ECPAS: variants seen among roughly 807,000 people sequenced by gnomAD.
The protein encoded by ECPAS is Ecm29 proteasome adaptor and scaffold, also known as proteasome adapter and scaffold protein ECM29.
ECPAS carries 70 observed loss-of-function variants against 255.1 expected under a neutral mutation model. That is an observed-to-expected ratio of 0.27 (90% CI 0.23 to 0.33). ECPAS has a LOEUF of 0.33. Ranked by LOEUF, ECPAS falls within the 10% of genes least tolerant of loss-of-function variation. The pLI, the probability that ECPAS is intolerant of heterozygous loss-of-function variation, is 1.00. For synonymous variants in ECPAS, 784 were observed against 775.0 expected (o/e 1.01, Z -0.19); for missense variants, 1,817 against 2,206.4 (o/e 0.82, Z 3.54).
intron 29 of ECPAS, among the ~76,000 whole-genome samples, chr9:111,391,094 C>A (rs2098159152): frequency 6.6e-6 from 1 of 152,310 alleles, no homozygotes; most frequent in East Asian, 1.9e-4. Flanking sequence ...CTCCGAAAGG[C>A]CACCTGTGCC....
chr9:111,465,518 C>T (rs755607841), intron 2 of ECPAS, among the ~76,000 whole-genome samples: 46 of 151,604 alleles, frequency 3.0e-4, no homozygotes, highest in Non-Finnish European at 5.6e-4. Context: ...GCAGCCTGGG[C>T]TACAAGAGCA....
Position 111,433,329 on chromosome 9 carries a change from G to C in ECPAS, c.752C>G (p.Pro251Arg). Residue 251 changes from proline (P) to arginine (R), a missense_variant, in exon 8 of 50, where the codon CCT (proline) becomes CGT (arginine). By Grantham distance (103) the Pro-to-Arg change is moderately radical. This residue lies in a region of ECPAS where 573 missense variants were observed against 716.2 expected (regional missense o/e 0.80). Transcript: ENST00000684092. The part of the protein sequence containing the change: ...IVKFIEAEQV[P>R]ELEAVLHLVI... ...CAAGTGGAGAACAGCTTCAAGTTCA[G>C]GCACCTGTTCAGCTTCTATGAATTT... The C allele has an allele frequency of 1.2e-6, 2 of 1,613,964 alleles. No individual in the cohort carries two copies. The highest frequency in any genetic ancestry group is 1.3e-5 in the African/African-American group (1 of 75,062).
At chr9:111,465,963 G>C (rs948260938) in intron 2 of ECPAS, among the ~76,000 whole-genome samples, 1 of 151,940 alleles carries the variant, frequency 6.6e-6, no homozygotes, top group Non-Finnish European at 1.5e-5. Context: ...CAGCTCAGGA[G>C]GTTGAGGCTG....
intron 1 of ECPAS, among the ~76,000 whole-genome samples, chr9:111,477,900 CTT>C (rs34461136): frequency 7.2e-4 from 99 of 138,212 alleles, no homozygotes; most frequent in East Asian, 6.4e-4. Flanking sequence ...TTTTTGGCAA[CTT>C]TTTTTTTTTT....
intron 17 of ECPAS, among the ~76,000 whole-genome samples, chr9:111,416,611 T>G (rs2098203956): frequency 6.6e-6 from 1 of 152,180 alleles, no homozygotes; most frequent in Non-Finnish European, 1.5e-5. Context: ...TCTACTAATA[T>G]GGTCATCTCA....
chr9:111,431,706 T>C (rs984716336), intron 8 of ECPAS, among the ~76,000 whole-genome samples: 5 of 152,150 alleles, frequency 3.3e-5, no homozygotes, highest in African/African-American at 9.7e-5. Flanking sequence ...CCCTTTGACA[T>C]TGGTTCTGCT....
rs969893682 is a variant in ECPAS, at chr9:111,433,097, T to C, written c.848+136A>G. The stretch of plus-strand genomic sequence containing the variant: ...AATTCAACTCTTTAGCAAACTTGAT[T>C]ACAAACTAGGTATATTTAATAATCT... On this transcript the variant is annotated intron_variant, in intron 8 of 49. Coordinates refer to ENST00000684092, the MANE Select transcript of ECPAS (RefSeq NM_001364929.1). The C allele has an allele frequency of 3.6e-6, 3 of 839,714 alleles. No individual in the cohort carries two copies. In the African/African-American group the frequency reaches 5.1e-5, roughly 14 times the overall value. 52.0% of individuals were successfully genotyped at this position (839,714 alleles called of 1,614,324 possible).
At position 111,433,409 on chromosome 9, in the gene ECPAS, G is replaced by T. The variant is rs187300135; in HGVS notation, c.709-37C>A. On this transcript the variant is annotated intron_variant, in intron 7 of 49. Transcript: ENST00000684092. ...TGAAGGGAAGGAGAAAGAACAGTCA[G>T]GGGAGCAAAGGACACCCACTGAAAG... The T allele has an allele frequency of 3.8e-5, 61 of 1,611,306 alleles. No homozygotes were observed. The African/African-American group carries it at 7.1e-4, about 19-fold the overall frequency.
In ECPAS at chr9:111,383,213, G is replaced by T; in HGVS notation, c.3801C>A (p.Leu1267=). ...MMSTVTEVRA[L]SINTLVKISK... ...TCATTTCATCAACGGATGCACACCT[G>T]AGGGCTCGAACTTCCGTCACGGTGC... The change falls in exon 35 of 50, where the codon CTC becomes CTA. Residue 1267 remains leucine (L), a splice_region_variant and synonymous_variant. Coordinates refer to ENST00000684092, the MANE Select transcript of ECPAS (RefSeq NM_001364929.1). 1 of 1,613,774 alleles carries T rather than the reference G, an allele frequency of 6.2e-7. No homozygotes were observed. The highest frequency in any genetic ancestry group is 1.3e-5 in the African/African-American group (1 of 75,020).
intron 3 of ECPAS, among the ~76,000 whole-genome samples, chr9:111,448,832 A>T (rs1476692958): frequency 1.3e-5 from 2 of 152,234 alleles, no homozygotes; most frequent in African/African-American, 2.4e-5. Flanking sequence ...AAATAAGTCA[A>T]AGATAAAATG....
At position 111,408,672 on chromosome 9, in the gene ECPAS, T is replaced by C. The variant is rs1473732116; in HGVS notation, c.2551A>G (p.Met851Val). The C allele has an allele frequency of 3.9e-6, 6 of 1,552,648 alleles. No individual in the cohort carries two copies. In the African/African-American group the frequency reaches 8.3e-5, roughly 21 times the overall value. ...RIPSSKETNK[M>V]KERAIQTLGY... ...AGTGTTTGGATTGCTCGTTCTTTCA[T>C]CTGGAAGAACACCAAATTTTTTTCT... is the stretch of plus-strand genomic sequence containing the variant. Residue 851 changes from methionine to valine, a missense_variant and splice_region_variant, in exon 24 of 50, where the codon ATG (methionine) becomes GTG (valine). Met to Val is a conservative substitution (Grantham distance 21). Around this residue, in one of 4 missense-constraint regions of ECPAS, gnomAD observed 960 missense variants for 1,179.0 expected, o/e 0.81. Transcript: ENST00000684092.
intron 7 of ECPAS, among the ~76,000 whole-genome samples, chr9:111,435,423 A>T (rs1437440830): frequency 1.3e-5 from 2 of 152,214 alleles, no homozygotes; most frequent in Non-Finnish European, 2.9e-5. Context: ...TGACCAATTT[A>T]AGATTGTAAT....
At chr9:111,469,164 G>T (rs1404851334) in intron 2 of ECPAS, among the ~76,000 whole-genome samples, 2 of 152,114 alleles carry the variant, frequency 1.3e-5, no homozygotes, top group Non-Finnish European at 2.9e-5. Context: ...CTTGAACCCA[G>T]GAGGCAGAGG....
intron 1 of ECPAS, among the ~76,000 whole-genome samples, chr9:111,473,366 A>T (rs2098291744): frequency 6.6e-6 from 1 of 152,234 alleles, no homozygotes; most frequent in Admixed American, 6.5e-5. Flanking sequence ...TAATAGTTTT[A>T]TAAGAAGTGT....
chr9:111,395,670 G>C (rs1190839825), intron 25 of ECPAS, among the ~76,000 whole-genome samples: 1 of 152,068 alleles, frequency 6.6e-6, no homozygotes. Flanking sequence ...TAAGTCACTA[G>C]GTAAAAAACC....
At chr9:111,399,390 C>T (rs376477143) in intron 24 of ECPAS, among the ~76,000 whole-genome samples, 12 of 152,296 alleles carry the variant, frequency 7.9e-5, no homozygotes, top group African/African-American at 1.9e-4. Context: ...CACCCCTCCC[C>T]GAGTCCCAGG....
chr9:111,464,982 G>C (rs1358139496), intron 2 of ECPAS, among the ~76,000 whole-genome samples: 3 of 151,806 alleles, frequency 2.0e-5, no homozygotes, highest in Non-Finnish European at 4.4e-5. Flanking sequence ...TCGGGAGTTT[G>C]AGACCAGCCT....
chr9:111,421,409 A>ATGTGTG (rs71372622), intron 15 of ECPAS, among the ~76,000 whole-genome samples: 4,011 of 143,376 alleles, frequency 0.028, 100 homozygotes, highest in East Asian at 0.074. Context: ...TATTACATAT[A>ATGTGTG]TGTGTGTGTG....
intron 3 of ECPAS, among the ~76,000 whole-genome samples, chr9:111,445,272 G>A (rs920307039): frequency 6.6e-6 from 1 of 152,030 alleles, no homozygotes; most frequent in African/African-American, 2.4e-5. Context: ...TGGGATTACA[G>A]GCGTGAGCCA....
Sources: allele counts gnomAD v4.1 joint callset (sites outside exome capture counted in the v4.1 genomes callset), GRCh38; gene constraint gnomAD v4.1.1; regional missense constraint gnomAD v4.1.1; transcripts MANE v1.5; gene names NCBI Gene and HGNC (gene_info 2026-07-23, HGNC 2026-07-21).